SORCS1: variants seen among roughly 807,000 people sequenced by gnomAD.
The protein encoded by SORCS1 is VPS10 domain-containing receptor SorCS1.
Under a neutral mutation model 146.1 loss-of-function variants are expected in SORCS1, and 60 were observed. That is an observed-to-expected ratio of 0.41 (90% confidence interval 0.33 to 0.51). The LOEUF (loss-of-function observed/expected upper bound fraction) is 0.51, where lower values mean the gene tolerates loss of function less well. SORCS1 is among the 20% of genes least tolerant of loss of function. The pLI is 0.21. For missense variants in SORCS1, 1,352 were observed against 1,487.6 expected, an observed-to-expected ratio of 0.91 and a Z score of 1.50; for synonymous variants, 637 against 584.0, an observed-to-expected ratio of 1.09 and a Z score of -1.31.
chr10:106,803,120 A>C (rs1210383234), intron 3 of SORCS1, among the ~76,000 whole-genome samples: 2 of 152,112 alleles, frequency 1.3e-5, no homozygotes, highest in East Asian at 3.9e-4. Flanking sequence ...CACGACACCA[A>C]CCTAGAACGC....
rs1448249016 is a variant in SORCS1 at position 107,057,232 on chromosome 10, T to G, written c.559-100652A>C. ...AGAGATCCATCCCCAGAAAAAAAATTATTCATAAAATGAGTTTCTTGAACA... is the reference window on the plus strand; with the variant it reads ...AGAGATCCATCCCCAGAAAAAAAATGATTCATAAAATGAGTTTCTTGAACA... On this transcript the variant is annotated intron_variant, in intron 1 of 25. Coordinates refer to ENST00000263054, the MANE Select transcript of SORCS1 (RefSeq NM_052918.5). Among the ~76,000 whole-genome samples the G allele has an allele frequency of 2.0e-5, 3 of 152,074 alleles. No homozygotes were observed. In the East Asian group the frequency reaches 5.8e-4, roughly 29 times the overall value.
intron 1 of SORCS1, among the ~76,000 whole-genome samples, chr10:107,143,402 G>A (rs7901950): frequency 0.19 from 28,434 of 152,016 alleles, 3,122 homozygotes; most frequent in East Asian, 0.34. Context: ...ATGTTGGCTT[G>A]CTGCAACTTA....
At chr10:107,074,352 A>G (rs1554940768) in intron 1 of SORCS1, among the ~76,000 whole-genome samples, 5 of 152,168 alleles carry the variant, frequency 3.3e-5, no homozygotes, top group Non-Finnish European at 7.4e-5. Flanking sequence ...AGTTTACTCC[A>G]TGTCTCTTCA....
chr10:106,731,426 T>C (rs1856593070), intron 5 of SORCS1, among the ~76,000 whole-genome samples: 1 of 151,954 alleles, frequency 6.6e-6, no homozygotes, highest in Non-Finnish European at 1.5e-5. Context: ...GATGTTGCCA[T>C]TGTCTGAAAG....
intron 2 of SORCS1, among the ~76,000 whole-genome samples, chr10:106,892,894 C>CTT (rs1951289722): frequency 8.0e-6 from 1 of 125,670 alleles, no homozygotes; most frequent in African/African-American, 3.3e-5. Context: ...TTTGGAAAGC[C>CTT]CTTTTTTTTT....
At chr10:106,739,778 C>A (rs767144650) in intron 5 of SORCS1, among the ~76,000 whole-genome samples, 1 of 151,654 alleles carries the variant, frequency 6.6e-6, no homozygotes, top group Middle Eastern at 3.2e-3. Flanking sequence ...GGTGAAACCC[C>A]GTCTCTACTA....
At chr10:107,149,246 T>C (rs1968574432) in intron 1 of SORCS1, among the ~76,000 whole-genome samples, 1 of 152,176 alleles carries the variant, frequency 6.6e-6, no homozygotes, top group Non-Finnish European at 1.5e-5. Context: ...GGCCAACCAA[T>C]TAAAAGCTAA....
chr10:106,854,322 T>C (rs1380249975), intron 2 of SORCS1, among the ~76,000 whole-genome samples: 2 of 152,068 alleles, frequency 1.3e-5, no homozygotes, highest in Non-Finnish European at 2.9e-5. Context: ...ATCCATTTAC[T>C]TTTAATTTGA....
intron 1 of SORCS1, 117 bp downstream of exon 1, chr10:107,163,852 T>G: frequency 8.4e-7 from 1 of 1,185,870 alleles, no homozygotes; most frequent in Non-Finnish European, 1.2e-6. Context: ...GAGACCAGTT[T>G]GCAGCATCTC....
intron 1 of SORCS1, among the ~76,000 whole-genome samples, chr10:106,982,413 C>T (rs1956278019): frequency 6.6e-6 from 1 of 152,146 alleles, no homozygotes; most frequent in South Asian, 2.1e-4. Flanking sequence ...TTAGCCAAGA[C>T]AGCTTAGCTT....
rs373106467 is a variant in SORCS1, at chr10:106,955,991, G to A, written c.626+522C>T. Among the ~76,000 whole-genome samples, 14 of 152,244 alleles carry A rather than the reference G, an allele frequency of 9.2e-5. No individual in the cohort carries two copies. In the South Asian group the frequency reaches 1.5e-3, roughly 16 times the overall value. ...AAAAATACAAAAAAATTAGCCATGC[G>A]TGGTGGCGCATGCCTGTAATCCCAG... is the stretch of plus-strand genomic sequence containing the variant. On this transcript the variant is annotated intron_variant, in intron 2 of 25. Coordinates refer to ENST00000263054, the MANE Select transcript of SORCS1 (RefSeq NM_052918.5).
At chr10:106,773,960 G>C (rs1203538906) in intron 4 of SORCS1, among the ~76,000 whole-genome samples, 1 of 150,818 alleles carries the variant, frequency 6.6e-6, no homozygotes, top group African/African-American at 2.5e-5. Flanking sequence ...AAAAAAAAAA[G>C]AATGAGAACA....
At chr10:106,990,021 G>A (rs2139463424) in intron 1 of SORCS1, among the ~76,000 whole-genome samples, 1 of 151,950 alleles carries the variant, frequency 6.6e-6, no homozygotes, top group South Asian at 2.1e-4. Flanking sequence ...GATTCATGTT[G>A]CTGTTAATGT....
chr10:106,960,327 G>A lies in SORCS1; in HGVS notation c.559-3747C>T, dbSNP rs1173453891. ...ACATGACATTTGTACTTCTTTCACT[G>A]TGACTCCTTCTTGCCACATCTATCG... On this transcript the variant is annotated intron_variant, in intron 1 of 25. Transcript: ENST00000263054. The surrounding 1 kb of genome is among the most constrained non-coding windows in gnomAD (Gnocchi z 4.4). Among the ~76,000 whole-genome samples the A allele has an allele frequency of 6.6e-6, 1 of 152,080 alleles. No individual in the cohort carries two copies. The highest frequency in any genetic ancestry group is 6.5e-5 in the Admixed American group (1 of 15,272).
chr10:106,814,471 C>T (rs374896784), intron 3 of SORCS1, among the ~76,000 whole-genome samples: 3 of 152,270 alleles, frequency 2.0e-5, no homozygotes, highest in African/African-American at 7.2e-5. Context: ...TAGTTAAAGG[C>T]AACCAGTCAC....
intron 18 of SORCS1, among the ~76,000 whole-genome samples, chr10:106,650,579 C>A: frequency 6.6e-6 from 1 of 152,164 alleles, no homozygotes; most frequent in East Asian, 1.9e-4. Flanking sequence ...GACATGACCT[C>A]ATCAGTCCTA....
At chr10:106,920,967 C>T (rs947097617) in intron 2 of SORCS1, among the ~76,000 whole-genome samples, 3 of 152,144 alleles carry the variant, frequency 2.0e-5, no homozygotes, top group African/African-American at 7.2e-5. Context: ...CAGCAACAGT[C>T]TCCATGGCAT....
intron 24 of SORCS1, among the ~76,000 whole-genome samples, chr10:106,581,103 A>C (rs1844878761): frequency 6.6e-6 from 1 of 152,228 alleles, no homozygotes; most frequent in Non-Finnish European, 1.5e-5. Flanking sequence ...GAAATTCTTC[A>C]GAACTCACCC....
At chr10:106,640,714 C>T (rs145601307) in intron 18 of SORCS1, among the ~76,000 whole-genome samples, 43 of 152,302 alleles carry the variant, frequency 2.8e-4, no homozygotes, top group Middle Eastern at 6.8e-3. Context: ...TGTTGAAAGT[C>T]TATAGGCTCA....
Sources: gnomAD v4.1 joint callset for allele counts (sites outside exome capture counted in the v4.1 genomes callset) on GRCh38, gnomAD v4.1.1 for gene constraint, Gnocchi (gnomAD v3.1) non-coding constraint, MANE v1.5 for transcripts, NCBI Gene and HGNC (gene_info 2026-07-23, HGNC 2026-07-21) for gene names.